Variants in ABLIM2 observed in about 807,000 individuals in gnomAD.
The protein encoded by ABLIM2 is actin binding LIM protein family member 2.
A neutral mutation model predicts 97.7 loss-of-function variants in ABLIM2; 53 were observed. That is an observed-to-expected ratio of 0.54 (90% CI 0.44 to 0.68). The LOEUF is 0.68. Ranked by LOEUF, ABLIM2 falls within the 30% of genes least tolerant of loss-of-function variation. The pLI is 0.00. For synonymous variants in ABLIM2, 361 were observed against 345.8 expected (o/e 1.04, Z -0.49); for missense variants, 835 against 867.2 (o/e 0.96, Z 0.47).
chr4:8,037,509 C>A (rs1785337543), intron 9 of ABLIM2, among the ~76,000 whole-genome samples: 1 of 152,040 alleles, frequency 6.6e-6, no homozygotes, highest in Non-Finnish European at 1.5e-5. Context: ...CACGTGCTCA[C>A]ACATGCAATC....
chr4:8,009,439 C>G (rs1288752050), intron 14 of ABLIM2, among the ~76,000 whole-genome samples: 1 of 152,174 alleles, frequency 6.6e-6, no homozygotes, highest in African/African-American at 2.4e-5. Context: ...CTCTGTCACC[C>G]AGGCTGGAGT....
Position 7,996,807 on chromosome 4 carries a change from G to A in ABLIM2, c.1619-3880C>T, listed in dbSNP as rs1043347096. 3.3e-5 allele frequency among the ~76,000 whole-genome samples: 5 copies of A among 152,178 alleles called. No homozygotes were observed. Among genetic ancestry groups the A allele is most frequent in the Admixed American group, 1.3e-4 (2 of 15,278 alleles). On this transcript the variant is annotated intron_variant, in intron 16 of 20. Transcript: ENST00000447017. This position sits in a 1 kb window ranked among gnomAD's most constrained non-coding sequence, Gnocchi z 4.5. ...TCTGCTCTTTCAGCACGTGAAAGAC[G>A]TCAGGACACTTCCTGCTGGCCTCTG...
rs75285164 is a variant in ABLIM2 at position 8,003,107 on chromosome 4, G to A, written c.1618+4952C>T. Among the ~76,000 whole-genome samples the A allele has an allele frequency of 1.3e-5, 2 of 152,168 alleles. No homozygotes were observed. Among genetic ancestry groups the A allele is most frequent in the African/African-American group, 4.8e-5 (2 of 41,440 alleles). On this transcript the variant is annotated intron_variant, in intron 16 of 20. Transcript: ENST00000447017. This position sits in a 1 kb window ranked among gnomAD's most constrained non-coding sequence, Gnocchi z 4.2. ...CCAGGACAGCACCGGAACACACCAA[G>A]CACTCATGAAATACAGAGAGATGCC...
At chr4:8,088,403 T>C in intron 3 of ABLIM2, 119 bp from the exon 4 acceptor site, 2 of 745,808 alleles carry the variant, frequency 2.7e-6, no homozygotes, top group South Asian at 3.5e-5. Context: ...AAGGTACCAC[T>C]CACAGGCTGA....
At chr4:8,016,093 G>A (rs2150728341) in intron 14 of ABLIM2, among the ~76,000 whole-genome samples, 1 of 142,984 alleles carries the variant, frequency 7.0e-6, no homozygotes, top group Non-Finnish European at 1.5e-5. Context: ...CGCCCAGGCT[G>A]GAGTGCAGTG....
At chr4:8,092,756 T>A (rs1237481637) in intron 3 of ABLIM2, among the ~76,000 whole-genome samples, 1 of 152,206 alleles carries the variant, frequency 6.6e-6, no homozygotes, top group African/African-American at 2.4e-5. Context: ...CCCAGGCACA[T>A]CCTCAACCTT....
At position 7,986,243 on chromosome 4, in the gene ABLIM2, G is replaced by C. The variant is rs1485985182; in HGVS notation, c.1681-1350C>G. ...TCACAGGGCAAAGTGTTTTCAACGC[G>C]AGCTTTGCAGTAGGAAATCAGTGAG... On this transcript the variant is annotated intron_variant, in intron 17 of 20. Transcript: ENST00000447017. This position sits in a 1 kb window ranked among gnomAD's most constrained non-coding sequence, Gnocchi z 4.3. Among the ~76,000 whole-genome samples the C allele has an allele frequency of 6.6e-6, 1 of 152,218 alleles. No individual in the cohort carries two copies. Among genetic ancestry groups the C allele is most frequent in the Non-Finnish European group, 1.5e-5 (1 of 68,046 alleles).
At chr4:8,025,996 C>T (rs557513364) in intron 12 of ABLIM2, among the ~76,000 whole-genome samples, 1 of 152,326 alleles carries the variant, frequency 6.6e-6, no homozygotes, top group South Asian at 2.1e-4. Context: ...GGGGCCCTTT[C>T]TGGCTTTGCT....
rs985743323 is a variant in ABLIM2 at position 8,015,187 on chromosome 4, C to T, written c.1423+4431G>A. 1.2e-4 allele frequency among the ~76,000 whole-genome samples: 18 copies of T among 152,298 alleles called. No homozygotes were observed. Among genetic ancestry groups the T allele is most frequent in the African/African-American group, 4.3e-4 (18 of 41,558 alleles). On this transcript the variant is annotated intron_variant, in intron 14 of 20. Transcript: ENST00000447017. This position sits in a 1 kb window ranked among gnomAD's most constrained non-coding sequence, Gnocchi z 4.6. ...CCATTCACCTCAGCCTCCCAAAGTG[C>T]TGGGATTACAGGTGTGAGCCACCGT...
Position 8,109,110 on chromosome 4 carries a change from C to T in ABLIM2, c.11-2473G>A, listed in dbSNP as rs530612428. ...AGGAAGGGAGGCCGCGGCACTGGCC[C>T]CCCACCGCCTGTCCCCTGAGTGCAA... On this transcript the variant is annotated intron_variant, in intron 1 of 20. Coordinates refer to ENST00000447017, the MANE Select transcript of ABLIM2 (RefSeq NM_001130083.2). 2.3e-3 allele frequency among the ~76,000 whole-genome samples: 358 copies of T among 152,346 alleles called. 11 individuals are homozygous for T. Among genetic ancestry groups the T allele is most frequent in the Admixed American group, 0.021 (324 of 15,308 alleles).
At position 7,974,726 on chromosome 4, in the gene ABLIM2, C is replaced by T. The variant is rs377587497; in HGVS notation, c.1825-7623G>A. On this transcript the variant is annotated intron_variant, in intron 20 of 20. Transcript: ENST00000447017. ...CCACCCATGCATCTATCCACCCATC[C>T]ATCCACCCACCCATGCATCCACTCA... Among the ~76,000 whole-genome samples, 11 of 151,978 alleles carry T rather than the reference C, an allele frequency of 7.2e-5. No homozygotes were observed. The East Asian group carries it at 1.7e-3, about 24-fold the overall frequency.
In ABLIM2 at chr4:8,032,712, T is replaced by G. The variant is rs761895828; in HGVS notation, c.1048-2936A>C. On this transcript the variant is annotated intron_variant, in intron 10 of 20. Transcript: ENST00000447017. The surrounding 1 kb of genome is among the most constrained non-coding windows in gnomAD (Gnocchi z 4.3). ...ACACAACACACAAAGTGGCCATTAG[T>G]GCTGGCGCCAGGCAGAGAGGGAGGA... 2 of 1,611,920 alleles carry G rather than the reference T, an allele frequency of 1.2e-6. No homozygotes were observed. The highest frequency in any genetic ancestry group is 2.7e-5 in the African/African-American group (2 of 74,724).
intron 20 of ABLIM2, among the ~76,000 whole-genome samples, chr4:7,975,870 G>C (rs1033133715): frequency 6.6e-6 from 1 of 152,132 alleles, no homozygotes; most frequent in Non-Finnish European, 1.5e-5. Context: ...AGGCCTGAGC[G>C]AATGCCCGAC....
chr4:8,005,327 C>A lies in ABLIM2; in HGVS notation c.1618+2732G>T, dbSNP rs761369594. 1.9e-6 allele frequency: 1 copy of A among 533,134 alleles called. No individual in the cohort carries two copies. The allele number at this position is 533,134 out of a possible 1,614,324, so 33.0% of individuals were successfully genotyped here. A position where few individuals can be genotyped will look rare whatever the true frequency, so the allele number is the denominator to read the frequency against. On this transcript the variant is annotated intron_variant, in intron 16 of 20. Transcript: ENST00000447017. This position sits in a 1 kb window ranked among gnomAD's most constrained non-coding sequence, Gnocchi z 4.9. Reference sequence around the variant, plus strand: ...ACAGAGTGGGTGCTCAATAAATACCCGTTGAATGTAACGCATTTCAATTCA... The same window carrying A: ...ACAGAGTGGGTGCTCAATAAATACCAGTTGAATGTAACGCATTTCAATTCA...
intron 4 of ABLIM2, among the ~76,000 whole-genome samples, chr4:8,081,710 A>T (rs1819936260): frequency 6.6e-6 from 1 of 152,154 alleles, no homozygotes; most frequent in South Asian, 2.1e-4. Flanking sequence ...TCCTGTGAAT[A>T]TATGAGGTCA....
At chr4:8,007,514 A>T in intron 16 of ABLIM2, 4 of 985,600 alleles carry the variant, frequency 4.1e-6, no homozygotes, top group Non-Finnish European at 4.8e-6. Context: ...AAACAGCATT[A>T]TCTGGAGTTT....
chr4:8,022,868 G>A lies in ABLIM2; in HGVS notation c.1268-2565C>T, dbSNP rs1483664984. On this transcript the variant is annotated intron_variant, in intron 12 of 20. Coordinates refer to ENST00000447017, the MANE Select transcript of ABLIM2 (RefSeq NM_001130083.2). The surrounding 1 kb of genome is among the most constrained non-coding windows in gnomAD (Gnocchi z 7.8). ...CCTGGGATGCTGCCTGTTAGGAGAG[G>A]AGCAGCTTCAGCCCTTTCGAAAAGT... 1 of 152,684 alleles carries A rather than the reference G, an allele frequency of 6.5e-6. No homozygotes were observed. Among genetic ancestry groups the A allele is most frequent in the Non-Finnish European group, 1.5e-5 (1 of 68,364 alleles). The allele number at this position is 152,684 out of a possible 1,614,324, so 9.5% of individuals were successfully genotyped here. A position where few individuals can be genotyped will look rare whatever the true frequency, so the allele number is the denominator to read the frequency against.
rs1250853804 is a variant in ABLIM2, at chr4:8,082,417, C to G, written c.455-1615G>C. ...GACCTGGCCCAAAGCCTTGCGCATC[C>G]CGGGTGAACAGTGAGCATCGGCGAG... On this transcript the variant is annotated intron_variant, in intron 4 of 20. Transcript: ENST00000447017. The surrounding 1 kb of genome is among the most constrained non-coding windows in gnomAD (Gnocchi z 5.6). 6.6e-6 allele frequency among the ~76,000 whole-genome samples: 1 copy of G among 152,198 alleles called. No individual in the cohort carries two copies. The highest frequency in any genetic ancestry group is 1.5e-5 in the Non-Finnish European group (1 of 68,026).
At chr4:8,063,429 C>T (rs545804668) in intron 6 of ABLIM2, among the ~76,000 whole-genome samples, 1 of 152,360 alleles carries the variant, frequency 6.6e-6, no homozygotes, top group South Asian at 2.1e-4. Flanking sequence ...ATGGTCTCCA[C>T]AGCTCGGGCC....
Sources: gnomAD v4.1 joint callset for allele counts (sites outside exome capture counted in the v4.1 genomes callset) on GRCh38, gnomAD v4.1.1 for gene constraint, Gnocchi (gnomAD v3.1) non-coding constraint, MANE v1.5 for transcripts, NCBI Gene and HGNC (gene_info 2026-07-23, HGNC 2026-07-21) for gene names.